DLGAP2: variants seen among roughly 807,000 people sequenced by gnomAD.
DLGAP2 encodes DLG associated protein 2, also known as disks large-associated protein 2.
DLGAP2 carries 26 observed loss-of-function variants against 100.3 expected under a neutral mutation model. The ratio of observed to expected loss-of-function variants is 0.26; its 90% CI spans 0.19 to 0.36. The LOEUF (loss-of-function observed/expected upper bound fraction) is 0.36, where lower values mean the gene tolerates loss of function less well. Ranked by LOEUF, DLGAP2 falls within the 10% of genes least tolerant of loss-of-function variation. The probability of loss-of-function intolerance (pLI) is 1.00; values close to 1 mark genes in which losing one functional copy is unlikely to be tolerated. For missense variants in DLGAP2, 1,858 were observed against 1,453.2 expected (o/e 1.28, Z -4.53); for synonymous variants, 886 against 630.1 (o/e 1.41, Z -6.08).
intron 3 of DLGAP2, among the ~76,000 whole-genome samples, chr8:1,325,529 A>G (rs1488505437): frequency 6.6e-6 from 1 of 152,216 alleles, no homozygotes. Context: ...GTACGCATAC[A>G]TTGCTAGCTC....
intron 2 of DLGAP2, among the ~76,000 whole-genome samples, chr8:950,193 C>G (rs939528908): frequency 2.0e-5 from 3 of 152,130 alleles, no homozygotes; most frequent in Non-Finnish European, 4.4e-5. Context: ...TCATGCCCGG[C>G]TGAAGTTAAT....
At chr8:1,024,571 G>A (rs183017406) in intron 2 of DLGAP2, among the ~76,000 whole-genome samples, 266 of 152,320 alleles carry the variant, frequency 1.7e-3, no homozygotes, top group African/African-American at 6.1e-3. Context: ...TGCCCTCTGT[G>A]GTGGGGGTGC....
chr8:1,462,529 T>TC (rs1563163768), intron 3 of DLGAP2, among the ~76,000 whole-genome samples: 1 of 44,298 alleles, frequency 2.3e-5, no homozygotes, highest in Admixed American at 3.0e-4. Flanking sequence ...GTCGCTGATT[T>TC]GGTGGCCAGG....
chr8:922,246 A>G (rs544631942), intron 2 of DLGAP2, among the ~76,000 whole-genome samples: 1 of 152,300 alleles, frequency 6.6e-6, no homozygotes, highest in Admixed American at 6.5e-5. Flanking sequence ...TCTCTAACCC[A>G]TTAACCGTAT....
chr8:986,912 G>T (rs111683777), intron 2 of DLGAP2, among the ~76,000 whole-genome samples: 2,790 of 152,192 alleles, frequency 0.018, 92 homozygotes, highest in African/African-American at 0.063. Context: ...CACCCGTCTC[G>T]ACCTTCCAGA....
rs543530677 is a variant in DLGAP2 at position 769,752 on chromosome 8, C to T, written c.18+31927C>T. Among the ~76,000 whole-genome samples the T allele has an allele frequency of 2.7e-4, 41 of 152,266 alleles. 1 individual carries two copies. Among genetic ancestry groups the T allele is most frequent in the Admixed American group, 1.5e-3 (23 of 15,288 alleles). On this transcript the variant is annotated intron_variant, in intron 1 of 14. Coordinates refer to ENST00000637795, the MANE Select transcript of DLGAP2 (RefSeq NM_001346810.2). ...TCCTCCTAGGGACACGAGCCTCTTGCGTTCCCTGGGATTCTTCCCATTAAA... is the reference window on the plus strand; with the variant it reads ...TCCTCCTAGGGACACGAGCCTCTTGTGTTCCCTGGGATTCTTCCCATTAAA...
intron 2 of DLGAP2, among the ~76,000 whole-genome samples, chr8:1,040,182 C>G (rs116661670): frequency 0.019 from 2,064 of 110,772 alleles, 74 homozygotes; most frequent in African/African-American, 0.075. Context: ...AGCTCGGTTT[C>G]CATGGTCAGC....
chr8:974,221 C>T (rs996561491), intron 2 of DLGAP2, among the ~76,000 whole-genome samples: 6 of 152,082 alleles, frequency 3.9e-5, no homozygotes, highest in South Asian at 4.1e-4. Flanking sequence ...ATTTCATATT[C>T]AAACTATAGA....
intron 3 of DLGAP2, among the ~76,000 whole-genome samples, chr8:1,438,028 G>A (rs1332158169): frequency 6.6e-6 from 1 of 151,986 alleles, no homozygotes; most frequent in African/African-American, 2.4e-5. Flanking sequence ...AGTAGGAAAA[G>A]AGGCCTAAGT....
intron 2 of DLGAP2, among the ~76,000 whole-genome samples, chr8:1,102,383 A>G (rs373989256): frequency 1.6e-4 from 24 of 148,902 alleles, no homozygotes; most frequent in East Asian, 5.8e-4. Context: ...TATAATTTAT[A>G]GATACATAAA....
chr8:904,125 ATGACGAGGCCACTGGCCACACG>A (rs1315832309), intron 1 of DLGAP2, among the ~76,000 whole-genome samples: 3 of 152,248 alleles, frequency 2.0e-5, no homozygotes, highest in African/African-American at 7.2e-5. Flanking sequence ...TCCACTGCAT[ATGACGAGGCCACTGGCCACACG>A]TAGCCTGTGA....
At chr8:951,412 T>C (rs1799476455) in intron 2 of DLGAP2, among the ~76,000 whole-genome samples, 1 of 152,178 alleles carries the variant, frequency 6.6e-6, no homozygotes, top group African/African-American at 2.4e-5. Context: ...ACCTGGCTAT[T>C]TTTTTGTTTT....
At chr8:850,371 T>C (rs558750621) in intron 1 of DLGAP2, among the ~76,000 whole-genome samples, 1 of 152,342 alleles carries the variant, frequency 6.6e-6, no homozygotes, top group Non-Finnish European at 1.5e-5. Flanking sequence ...TCTTGAAAGA[T>C]TTCTGCACTT....
Position 1,701,651 on chromosome 8 carries a change from C to G in DLGAP2, c.*245C>G. ...CGGGTGGCCTGGCTCACACTTGGCT[C>G]TGAGGGACAGGTGTGGCGAGACCTG... is the stretch of plus-strand genomic sequence containing the variant. On this transcript the variant is annotated 3_prime_UTR_variant, in exon 15 of 15. Transcript: ENST00000637795. 3.6e-6 allele frequency: 2 copies of G among 559,478 alleles called. No homozygotes were observed. Among genetic ancestry groups the G allele is most frequent in the South Asian group, 4.7e-5 (2 of 42,620 alleles). 34.7% of individuals were successfully genotyped at this position (559,478 alleles called of 1,614,324 possible).
At chr8:917,814 C>T (rs78781962) in intron 2 of DLGAP2, among the ~76,000 whole-genome samples, 2 of 151,722 alleles carry the variant, frequency 1.3e-5, no homozygotes, top group African/African-American at 2.4e-5. Flanking sequence ...CTCCTGACCT[C>T]GGGATCCGCC....
chr8:1,577,301 G>GCT (rs1265351330), intron 6 of DLGAP2, among the ~76,000 whole-genome samples: 1 of 152,182 alleles, frequency 6.6e-6, no homozygotes, highest in Non-Finnish European at 1.5e-5. Flanking sequence ...GGGCGCGGTG[G>GCT]CTCATGCCTG....
chr8:903,908 G>C (rs754778762), intron 1 of DLGAP2, among the ~76,000 whole-genome samples: 1 of 152,218 alleles, frequency 6.6e-6, no homozygotes, highest in Non-Finnish European at 1.5e-5. Context: ...ACTCACATTC[G>C]TCAGGGACCC....
At chr8:1,657,996 C>A (rs1337153092) in intron 8 of DLGAP2, among the ~76,000 whole-genome samples, 1 of 152,138 alleles carries the variant, frequency 6.6e-6, no homozygotes, top group Admixed American at 6.5e-5. Context: ...AAAAGAAAGT[C>A]TCCCGTTTGC....
intron 1 of DLGAP2, among the ~76,000 whole-genome samples, chr8:800,714 G>A (rs1796132122): frequency 6.6e-6 from 1 of 152,184 alleles, no homozygotes. Flanking sequence ...GTGTCTGTGT[G>A]TCCATGGGTG....
Sources: gnomAD v4.1 joint callset for allele counts (sites outside exome capture counted in the v4.1 genomes callset) on GRCh38, gnomAD v4.1.1 for gene constraint, MANE v1.5 for transcripts, NCBI Gene and HGNC (gene_info 2026-07-23, HGNC 2026-07-21) for gene names.